The following FOXO1 variants were observed in gnomAD, a reference collection of about 807,000 sequenced individuals.
The protein encoded by FOXO1 is forkhead box protein O1.
In FOXO1, 6 loss-of-function variants were observed where a neutral mutation model predicts 44.1. The observed-to-expected ratio is 0.14, with a 90% CI of 0.07 to 0.27. The LOEUF (loss-of-function observed/expected upper bound fraction) is 0.27, where lower values mean the gene tolerates loss of function less well. Ranked by LOEUF, FOXO1 falls within the 10% of genes least tolerant of loss-of-function variation. FOXO1 has a pLI of 1.00. For missense variants in FOXO1, 737 were observed against 888.8 expected (o/e 0.83, Z 2.17); for synonymous variants, 380 against 362.7 (o/e 1.05, Z -0.54).
At chr13:40,589,879 C>T (rs955605242) in intron 1 of FOXO1, among the ~76,000 whole-genome samples, 2 of 152,160 alleles carry the variant, frequency 1.3e-5, no homozygotes, top group Non-Finnish European at 2.9e-5. Context: ...TCAAGCATGA[C>T]TGGACAAGAC....
chr13:40,660,606 A>G (rs901616337), intron 1 of FOXO1, among the ~76,000 whole-genome samples: 28 of 152,134 alleles, frequency 1.8e-4, no homozygotes, highest in African/African-American at 6.0e-4. Flanking sequence ...CTTCCCCCTC[A>G]TCCCATTTCG....
intron 1 of FOXO1, among the ~76,000 whole-genome samples, chr13:40,564,380 T>C (rs538559375): frequency 6.8e-4 from 104 of 152,308 alleles, no homozygotes; most frequent in Admixed American, 1.1e-3. Context: ...GTAACAGAGC[T>C]GTTTCCTAAC....
rs966196127 is a variant in FOXO1 at position 40,558,120 on chromosome 13, A to C, written c.*929T>G. On this transcript the variant is annotated 3_prime_UTR_variant, in exon 3 of 3. Coordinates refer to ENST00000379561, the MANE Select transcript of FOXO1 (RefSeq NM_002015.4). ...GTGTACAAACCAGTTAAGCATGTAT[A>C]AAATTAGTACTAATCCAGTTAGAAT... 2 of 152,660 alleles carry C rather than the reference A, an allele frequency of 1.3e-5. No individual in the cohort carries two copies. Among genetic ancestry groups the C allele is most frequent in the African/African-American group, 2.4e-5 (1 of 41,464 alleles). 9.5% of individuals were successfully genotyped at this position (152,660 alleles called of 1,614,324 possible). A position where few individuals can be genotyped will look rare whatever the true frequency, so the allele number is the denominator to read the frequency against.
At chr13:40,662,120 G>A (rs1275570898) in intron 1 of FOXO1, among the ~76,000 whole-genome samples, 3 of 137,644 alleles carry the variant, frequency 2.2e-5, no homozygotes, top group Non-Finnish European at 4.5e-5. Flanking sequence ...GCAGCAAGCC[G>A]AGATTGCGCC....
chr13:40,657,880 G>A (rs925266370), intron 1 of FOXO1, among the ~76,000 whole-genome samples: 1 of 152,050 alleles, frequency 6.6e-6, no homozygotes, highest in Non-Finnish European at 1.5e-5. Context: ...AATAATCACT[G>A]TTCTTTAGTT....
chr13:40,589,714 T>G (rs1875298785), intron 1 of FOXO1, among the ~76,000 whole-genome samples: 1 of 152,240 alleles, frequency 6.6e-6, no homozygotes, highest in African/African-American at 2.4e-5. Context: ...GCCACCACAG[T>G]AACTTTCTGG....
At chr13:40,660,275 TC>T (rs1369439065) in intron 1 of FOXO1, among the ~76,000 whole-genome samples, 1 of 152,070 alleles carries the variant, frequency 6.6e-6, no homozygotes, top group Non-Finnish European at 1.5e-5. Context: ...AATTCTGCCT[TC>T]CCCAATCACT....
intron 1 of FOXO1, among the ~76,000 whole-genome samples, chr13:40,643,685 TTA>T: frequency 6.6e-6 from 1 of 152,276 alleles, no homozygotes; most frequent in Middle Eastern, 3.4e-3. Flanking sequence ...GGTTCTGATC[TTA>T]TGTTTTTATG....
At chr13:40,606,293 C>T (rs972868455) in intron 1 of FOXO1, among the ~76,000 whole-genome samples, 1 of 151,968 alleles carries the variant, frequency 6.6e-6, no homozygotes, top group Non-Finnish European at 1.5e-5. Flanking sequence ...TGGTTGGTTT[C>T]TTTCTTTCTT....
intron 1 of FOXO1, among the ~76,000 whole-genome samples, chr13:40,662,100 G>A (rs1322390403): frequency 2.0e-5 from 3 of 150,474 alleles, no homozygotes; most frequent in African/African-American, 7.4e-5. Flanking sequence ...GAACCTGGGA[G>A]GCGGAGGTTG....
chr13:40,572,410 T>TCTC (rs3067704), intron 1 of FOXO1, among the ~76,000 whole-genome samples: 61,878 of 151,210 alleles, frequency 0.41, 13,815 homozygotes, highest in East Asian at 0.75. Context: ...ATGTGTTTTT[T>TCTC]CTATTTTGGG....
chr13:40,604,279 C>T (rs1875918826), intron 1 of FOXO1, among the ~76,000 whole-genome samples: 1 of 151,472 alleles, frequency 6.6e-6, no homozygotes, highest in African/African-American at 2.4e-5. Context: ...TTTGAAAAAT[C>T]TAGATAGTGA....
chr13:40,665,015 C>T (rs924684568), intron 1 of FOXO1, among the ~76,000 whole-genome samples: 1 of 151,964 alleles, frequency 6.6e-6, no homozygotes, highest in Non-Finnish European at 1.5e-5. Flanking sequence ...AAGCAAAATG[C>T]GCACCGCCTC....
At chr13:40,584,019 G>A (rs1388895947) in intron 1 of FOXO1, among the ~76,000 whole-genome samples, 3 of 152,140 alleles carry the variant, frequency 2.0e-5, no homozygotes, top group African/African-American at 7.2e-5. Context: ...CATTGTGGGG[G>A]TTTTAATGGC....
intron 1 of FOXO1, among the ~76,000 whole-genome samples, chr13:40,589,749 T>C (rs1166004757): frequency 6.6e-6 from 1 of 152,202 alleles, no homozygotes; most frequent in Non-Finnish European, 1.5e-5. Context: ...GAAATGTGCT[T>C]CTCATGTCAA....
intron 1 of FOXO1, among the ~76,000 whole-genome samples, chr13:40,624,274 C>A (rs1015359007): frequency 1.5e-5 from 2 of 132,102 alleles, no homozygotes; most frequent in Admixed American, 1.7e-4. Context: ...CAACAGAAAA[C>A]AGGCCAGGAA....
In FOXO1 at chr13:40,654,322, T is replaced by TAAAAAAAAAAAAAAA. The variant is rs11344939; in HGVS notation, c.630+11246_630+11260dup. 8.3e-5 allele frequency among the ~76,000 whole-genome samples: 4 copies of TAAAAAAAAAAAAAAA among 48,196 alleles called. 1 individual carries two copies. The highest frequency in any genetic ancestry group is 2.7e-4 in the African/African-American group (4 of 15,050). The allele number at this position is 48,196 out of a possible 152,430, so 31.6% of individuals were successfully genotyped here. ...GAAACCTCATCTCTACTAAAAATAC[T>TAAAAAAAAAAAAAAA]AAAAAAAAAAAAAAAAAAAAAAAAA... On this transcript the variant is annotated intron_variant, in intron 1 of 2. Transcript: ENST00000379561.
chr13:40,560,634 T>C lies in FOXO1; in HGVS notation c.857A>G (p.Asp286Gly). The part of the protein sequence containing the change: ...SLQSGQEGAG[D>G]SPGSQFSKWP... ...TTTGGAAAACTGTGATCCAGGGCTG[T>C]CCCCAGCACCCTCCTGGCCAGACTG... The change falls in exon 2 of 3, where the codon GAC (aspartate) becomes GGC (glycine). Residue 286 changes from aspartate (D) to glycine (G), a missense_variant. This residue lies in a region of FOXO1 where 136 missense variants were observed against 186.4 expected (regional missense o/e 0.73). Transcript: ENST00000379561. The surrounding 1 kb of genome is among the most constrained non-coding windows in gnomAD (Gnocchi z 5.1). 1 of 1,614,180 alleles carries C rather than the reference T, an allele frequency of 6.2e-7. No homozygotes were observed. Among genetic ancestry groups the C allele is most frequent in the Non-Finnish European group, 8.5e-7 (1 of 1,180,034 alleles).
intron 2 of FOXO1, among the ~76,000 whole-genome samples, 170 bp from the exon 3 acceptor site, chr13:40,559,204 T>C (rs1365846966): frequency 2.6e-5 from 4 of 152,152 alleles, no homozygotes; most frequent in South Asian, 2.1e-4. Context: ...AATTCTACTT[T>C]ACAAAAAACC....
Sources: allele counts gnomAD v4.1 joint callset (sites outside exome capture counted in the v4.1 genomes callset), GRCh38; gene constraint gnomAD v4.1.1; regional missense constraint gnomAD v4.1.1; non-coding constraint Gnocchi (gnomAD v3.1); transcripts MANE v1.5; gene names NCBI Gene and HGNC (gene_info 2026-07-23, HGNC 2026-07-21).